The following ITGA8 variants were observed in gnomAD, a reference collection of about 807,000 sequenced individuals.
ITGA8 encodes the protein integrin subunit alpha 8, also known as integrin alpha-8.
In ITGA8, 91 loss-of-function variants were observed where a neutral mutation model predicts 142.3. The observed-to-expected ratio is 0.64, with a 90% CI of 0.54 to 0.76. ITGA8 has a LOEUF of 0.76. Ranked by LOEUF, ITGA8 falls within the 30% of genes least tolerant of loss-of-function variation. The pLI is 0.00. For missense variants in ITGA8, 1,406 were observed against 1,327.7 expected, an observed-to-expected ratio of 1.06 and a Z score of -0.92; for synonymous variants, 505 against 485.2, an observed-to-expected ratio of 1.04 and a Z score of -0.54.
intron 13 of ITGA8, among the ~76,000 whole-genome samples, chr10:15,624,686 C>G (rs1588682258): frequency 6.6e-6 from 1 of 152,204 alleles, no homozygotes; most frequent in South Asian, 2.1e-4. Context: ...CAGGTCCCAT[C>G]CTGCCAATCC....
intron 27 of ITGA8, among the ~76,000 whole-genome samples, chr10:15,536,401 T>C (rs1246948264): frequency 6.6e-6 from 1 of 152,214 alleles, no homozygotes; most frequent in Non-Finnish European, 1.5e-5. Context: ...GATACCCAAG[T>C]TCTGCGTTGT....
chr10:15,586,288 A>C (rs146708856), intron 23 of ITGA8, among the ~76,000 whole-genome samples: 2,428 of 151,828 alleles, frequency 0.016, 33 homozygotes, highest in Non-Finnish European at 0.015. Flanking sequence ...CAAACTCCTG[A>C]CCTCAGGTGA....
At chr10:15,710,135 A>G (rs2131736831) in intron 2 of ITGA8, among the ~76,000 whole-genome samples, 1 of 152,208 alleles carries the variant, frequency 6.6e-6, no homozygotes, top group South Asian at 2.1e-4. Flanking sequence ...TGAAAACAAG[A>G]AAAAAAATGC....
chr10:15,641,865 C>T (rs1002148613), intron 13 of ITGA8, among the ~76,000 whole-genome samples: 1 of 152,160 alleles, frequency 6.6e-6, no homozygotes, highest in Non-Finnish European at 1.5e-5. Flanking sequence ...TGTGGTGGCT[C>T]ACACCTGTAA....
intron 3 of ITGA8, among the ~76,000 whole-genome samples, chr10:15,687,000 C>T (rs1941478871): frequency 6.6e-6 from 1 of 152,116 alleles, no homozygotes; most frequent in Admixed American, 6.5e-5. Context: ...TCCCATAAGG[C>T]ATATACCACC....
intron 21 of ITGA8, among the ~76,000 whole-genome samples, chr10:15,596,299 G>A (rs1024505450): frequency 2.0e-5 from 3 of 152,118 alleles, no homozygotes; most frequent in African/African-American, 7.2e-5. Context: ...TTTGAATCTT[G>A]TTCTAACCTT....
intron 25 of ITGA8, among the ~76,000 whole-genome samples, chr10:15,568,244 G>A (rs1457377730): frequency 6.6e-6 from 1 of 152,176 alleles, no homozygotes; most frequent in Non-Finnish European, 1.5e-5. Flanking sequence ...TTCAGAATAA[G>A]AACTCACTGA....
chr10:15,628,237 C>T (rs997301448), intron 13 of ITGA8, among the ~76,000 whole-genome samples: 1 of 151,658 alleles, frequency 6.6e-6, no homozygotes, highest in African/African-American at 2.4e-5. Context: ...CATATGCTGC[C>T]GCTCTGCCTA....
chr10:15,700,630 A>C (rs1216759593), intron 2 of ITGA8, among the ~76,000 whole-genome samples: 1 of 152,236 alleles, frequency 6.6e-6, no homozygotes, highest in African/African-American at 2.4e-5. Context: ...ATTAACAGAA[A>C]ACCCACAGAG....
chr10:15,544,186 T>G lies in ITGA8; in HGVS notation c.2880+4269A>C, dbSNP rs192351339. Among the ~76,000 whole-genome samples the G allele has an allele frequency of 1.6e-3, 242 of 152,256 alleles. 2 individuals carry two copies. Among genetic ancestry groups the G allele is most frequent in the African/African-American group, 5.5e-3 (230 of 41,540 alleles). On this transcript the variant is annotated intron_variant, in intron 27 of 29. Coordinates refer to ENST00000378076, the MANE Select transcript of ITGA8 (RefSeq NM_003638.3). ...GGTGCCAGGCACCTGTAGTCCCAGC[T>G]ACTCAGGAAGCTGAGGTGGGAGGGT...
intron 27 of ITGA8, among the ~76,000 whole-genome samples, chr10:15,537,972 A>AAAAC (rs200021175): frequency 0.073 from 9,835 of 135,208 alleles, 1,064 homozygotes; most frequent in African/African-American, 0.27. Context: ...AAAACAAAAC[A>AAAAC]AAAAAAAAAC....
intron 10 of ITGA8, among the ~76,000 whole-genome samples, chr10:15,656,250 CG>C (rs1194502657): frequency 6.6e-6 from 1 of 152,136 alleles, no homozygotes; most frequent in African/African-American, 2.4e-5. Flanking sequence ...GTTTTCATGT[CG>C]GGGGAACCCA....
intron 21 of ITGA8, among the ~76,000 whole-genome samples, chr10:15,596,036 C>T (rs575129350): frequency 2.0e-5 from 3 of 152,194 alleles, no homozygotes; most frequent in East Asian, 1.9e-4. Flanking sequence ...GGGCAACAAG[C>T]GTGAAACTCC....
intron 2 of ITGA8, among the ~76,000 whole-genome samples, chr10:15,705,883 T>A (rs550183088): frequency 2.0e-5 from 3 of 152,190 alleles, no homozygotes; most frequent in African/African-American, 7.2e-5. Context: ...CCTCCTCAAA[T>A]CCCCGGTATT....
intron 28 of ITGA8, among the ~76,000 whole-genome samples, chr10:15,528,771 A>C (rs1220827364): frequency 6.6e-6 from 1 of 152,192 alleles, no homozygotes; most frequent in Non-Finnish European, 1.5e-5. Flanking sequence ...TGAAACTTCT[A>C]TATTAAAATC....
At chr10:15,693,228 A>G (rs1040296004) in intron 2 of ITGA8, among the ~76,000 whole-genome samples, 2 of 152,190 alleles carry the variant, frequency 1.3e-5, no homozygotes, top group Non-Finnish European at 2.9e-5. Flanking sequence ...TACTAAGGGC[A>G]TCTTATTTGT....
At chr10:15,590,317 A>G (rs1365885688) in intron 22 of ITGA8, among the ~76,000 whole-genome samples, 1 of 152,180 alleles carries the variant, frequency 6.6e-6, no homozygotes, top group Non-Finnish European at 1.5e-5. Flanking sequence ...TTCAATGATG[A>G]TCTACAGGAT....
intron 7 of ITGA8, 120 bp downstream of exon 7, chr10:15,672,504 T>A: frequency 2.4e-6 from 3 of 1,238,248 alleles, no homozygotes; most frequent in Non-Finnish European, 3.4e-6. Context: ...TCCACTCTAA[T>A]AAGAGAACAT....
At chr10:15,707,493 A>G (rs1835281419) in intron 2 of ITGA8, among the ~76,000 whole-genome samples, 1 of 152,166 alleles carries the variant, frequency 6.6e-6, no homozygotes, top group Admixed American at 6.5e-5. Flanking sequence ...ATGCTAGCCC[A>G]GGGAGACCCA....
Sources: gnomAD v4.1 joint callset for allele counts (sites outside exome capture counted in the v4.1 genomes callset) on GRCh38, gnomAD v4.1.1 for gene constraint, MANE v1.5 for transcripts, NCBI Gene and HGNC (gene_info 2026-07-23, HGNC 2026-07-21) for gene names.